The following PTPRD variants were observed in gnomAD, a reference collection of about 807,000 sequenced individuals.
PTPRD encodes protein tyrosine phosphatase receptor type D, also known as receptor-type tyrosine-protein phosphatase delta.
In PTPRD, 34 loss-of-function variants were observed where a neutral mutation model predicts 214.5. The observed-to-expected ratio is 0.16, with a 90% CI of 0.12 to 0.21. The LOEUF (loss-of-function observed/expected upper bound fraction) is 0.21. PTPRD is among the 10% of genes least tolerant of loss of function. The pLI, the probability that PTPRD is intolerant of heterozygous loss-of-function variation, is 1.00. For synonymous variants in PTPRD, 1,128 were observed against 845.7 expected (o/e 1.33, Z -5.79); for missense variants, 2,545 against 2,398.7 (o/e 1.06, Z -1.27).
At position 10,178,481 on chromosome 9, in the gene PTPRD, T is replaced by G. The variant is rs538312269; in HGVS notation, c.-544-144691A>C. On this transcript the variant is annotated intron_variant, in intron 3 of 45. Transcript: ENST00000381196. ...AATTTGTAGGAAAGGATAAAAATAT[T>G]TGAACGCCTTCCAGGTGATAAAAGA... Among the ~76,000 whole-genome samples the G allele has an allele frequency of 1.6e-3, 240 of 152,042 alleles. 1 individual carries two copies. The highest frequency in any genetic ancestry group is 5.3e-3 in the African/African-American group (220 of 41,526).
chr9:9,883,350 A>G (rs2069504688), intron 5 of PTPRD, among the ~76,000 whole-genome samples: 1 of 152,164 alleles, frequency 6.6e-6, no homozygotes, highest in South Asian at 2.1e-4. Flanking sequence ...AAATTTATTT[A>G]TAAGTAGAAC....
intron 7 of PTPRD, among the ~76,000 whole-genome samples, chr9:9,593,117 GAAGGA>G (rs377722724): frequency 0.011 from 1,518 of 144,528 alleles, 18 homozygotes; most frequent in Middle Eastern, 0.025. Flanking sequence ...AGAAAGGAAG[GAAGGA>G]AAGGAAAGGA....
At chr9:8,795,475 A>G (rs1566120962) in intron 11 of PTPRD, among the ~76,000 whole-genome samples, 1 of 152,176 alleles carries the variant, frequency 6.6e-6, no homozygotes, top group Non-Finnish European at 1.5e-5. Flanking sequence ...GCCAATGAAA[A>G]AATTAAATAG....
chr9:10,177,010 C>A (rs1341839844), intron 3 of PTPRD, among the ~76,000 whole-genome samples: 1 of 151,802 alleles, frequency 6.6e-6, no homozygotes, highest in African/African-American at 2.4e-5. Flanking sequence ...ATCCATGTAA[C>A]CTACACATGT....
chr9:9,016,742 C>T (rs964936489), intron 11 of PTPRD, among the ~76,000 whole-genome samples: 1 of 152,146 alleles, frequency 6.6e-6, no homozygotes, highest in African/African-American at 2.4e-5. Flanking sequence ...GGTGGCTTCA[C>T]TTGCAGGGAG....
chr9:9,738,324 G>C (rs964569337), intron 6 of PTPRD, among the ~76,000 whole-genome samples: 2 of 150,438 alleles, frequency 1.3e-5, no homozygotes, highest in African/African-American at 2.5e-5. Flanking sequence ...TCTCACTGTA[G>C]TTTTAATGTT....
At chr9:9,911,863 CTA>C (rs2079286306) in intron 5 of PTPRD, among the ~76,000 whole-genome samples, 2 of 151,854 alleles carry the variant, frequency 1.3e-5, no homozygotes, top group Non-Finnish European at 2.9e-5. Context: ...ATTTGGAAAA[CTA>C]AATCTTCAAA....
chr9:9,158,666 T>C (rs1297433593), intron 10 of PTPRD, among the ~76,000 whole-genome samples: 1 of 151,960 alleles, frequency 6.6e-6, no homozygotes, highest in East Asian at 1.9e-4. Context: ...TCAAACCCTT[T>C]CAGAAAAATT....
intron 10 of PTPRD, among the ~76,000 whole-genome samples, chr9:9,177,717 G>A (rs1455215386): frequency 6.6e-6 from 1 of 151,984 alleles, no homozygotes. Flanking sequence ...GAAAATGATG[G>A]ATGTAAACAA....
At chr9:9,072,979 A>G (rs2099745961) in intron 10 of PTPRD, among the ~76,000 whole-genome samples, 1 of 151,922 alleles carries the variant, frequency 6.6e-6, no homozygotes, top group Non-Finnish European at 1.5e-5. Context: ...TTTGAGAGAG[A>G]TTTTCGATTT....
chr9:10,528,079 C>A (rs1489128074), intron 2 of PTPRD, among the ~76,000 whole-genome samples: 4 of 152,158 alleles, frequency 2.6e-5, no homozygotes, highest in African/African-American at 9.6e-5. Context: ...CCCTATAACA[C>A]ACACACACAC....
intron 7 of PTPRD, among the ~76,000 whole-genome samples, chr9:9,728,214 T>C (rs576722103): frequency 9.3e-4 from 141 of 152,326 alleles, no homozygotes; most frequent in African/African-American, 3.2e-3. Context: ...CTCTTTTTCG[T>C]TATAAATTAC....
chr9:9,782,260 A>G (rs941152133), intron 5 of PTPRD, among the ~76,000 whole-genome samples: 8 of 152,170 alleles, frequency 5.3e-5, no homozygotes, highest in Non-Finnish European at 8.8e-5. Context: ...GGATGTCATA[A>G]GATATACTGT....
At chr9:9,931,974 C>T (rs1331500027) in intron 5 of PTPRD, among the ~76,000 whole-genome samples, 17 of 152,152 alleles carry the variant, frequency 1.1e-4, no homozygotes, top group East Asian at 9.7e-4. Context: ...CACACTGACA[C>T]CTCACACAGC....
intron 9 of PTPRD, among the ~76,000 whole-genome samples, chr9:9,354,880 T>C (rs2053112353): frequency 6.6e-6 from 1 of 151,680 alleles, no homozygotes; most frequent in African/African-American, 2.4e-5. Flanking sequence ...AGGTAACAAC[T>C]AGTGCAAGAG....
chr9:9,433,975 A>C (rs1431846030), intron 8 of PTPRD, among the ~76,000 whole-genome samples: 2 of 152,192 alleles, frequency 1.3e-5, no homozygotes, highest in Non-Finnish European at 2.9e-5. Context: ...ATTCAGCTAA[A>C]CAGAAAAATC....
At chr9:8,549,702 C>G (rs979448928) in intron 14 of PTPRD, among the ~76,000 whole-genome samples, 3 of 151,770 alleles carry the variant, frequency 2.0e-5, no homozygotes, top group Non-Finnish European at 4.4e-5. Context: ...AGATATAAAC[C>G]CCAAGGGAAA....
intron 3 of PTPRD, among the ~76,000 whole-genome samples, chr9:10,323,682 T>C (rs2096595318): frequency 1.3e-5 from 2 of 151,970 alleles, no homozygotes; most frequent in Non-Finnish European, 2.9e-5. Context: ...AAATGTCATC[T>C]GTTTAATATG....
intron 9 of PTPRD, among the ~76,000 whole-genome samples, chr9:9,235,614 G>A (rs767528908): frequency 7.2e-5 from 11 of 152,074 alleles, no homozygotes; most frequent in Non-Finnish European, 1.6e-4. Flanking sequence ...TGTCCAATAA[G>A]GGACACCTGA....
Sources: gnomAD v4.1 joint callset for allele counts (sites outside exome capture counted in the v4.1 genomes callset) on GRCh38, gnomAD v4.1.1 for gene constraint, MANE v1.5 for transcripts, NCBI Gene and HGNC (gene_info 2026-07-23, HGNC 2026-07-21) for gene names.